Variants in ZNF385D observed in about 807,000 individuals in gnomAD.
ZNF385D encodes zinc finger protein 385D.
ZNF385D carries 15 observed loss-of-function variants against 35.8 expected under a neutral mutation model. The ratio of observed to expected loss-of-function variants is 0.42; its 90% CI spans 0.28 to 0.64. The LOEUF (loss-of-function observed/expected upper bound fraction) is 0.64. ZNF385D is among the 30% of genes least tolerant of loss of function. The pLI, the probability that ZNF385D is intolerant of heterozygous loss-of-function variation, is 0.23. For missense variants in ZNF385D, 474 were observed against 494.6 expected, an observed-to-expected ratio of 0.96 and a Z score of 0.39; for synonymous variants, 212 against 186.8, an observed-to-expected ratio of 1.13 and a Z score of -1.10.
At chr3:22,008,445 CG>C (rs1696360098) in intron 3 of ZNF385D, among the ~76,000 whole-genome samples, 1 of 149,478 alleles carries the variant, frequency 6.7e-6, no homozygotes, top group African/African-American at 2.5e-5. Context: ...CTCCGCCCCC[CG>C]GAGTTCACAA....
chr3:21,907,349 T>A (rs529148816), intron 3 of ZNF385D, among the ~76,000 whole-genome samples: 16 of 152,166 alleles, frequency 1.1e-4, no homozygotes, highest in Non-Finnish European at 4.4e-5. Flanking sequence ...CAAATATAAA[T>A]TGTTACTATA....
chr3:21,756,052 A>G (rs1030254957), upstream of ZNF385D, among the ~76,000 whole-genome samples: 2 of 152,220 alleles, frequency 1.3e-5, no homozygotes, highest in African/African-American at 4.8e-5. Context: ...CTTACATGAT[A>G]TAACTTTGGA....
intron 3 of ZNF385D, among the ~76,000 whole-genome samples, chr3:21,913,068 T>C (rs1700036804): frequency 6.6e-6 from 1 of 152,236 alleles, no homozygotes. Flanking sequence ...GCAAGGGTTC[T>C]GGAAAATTAT....
chr3:22,335,301 T>A (rs1250694378), intron 2 of ZNF385D, among the ~76,000 whole-genome samples: 1 of 152,138 alleles, frequency 6.6e-6, no homozygotes, highest in African/African-American at 2.4e-5. Context: ...TTCTGTAATG[T>A]CTGAACATAG....
chr3:21,921,677 T>A (rs1210050090), intron 3 of ZNF385D, among the ~76,000 whole-genome samples: 1 of 105,420 alleles, frequency 9.5e-6, no homozygotes, highest in Admixed American at 8.4e-5. Flanking sequence ...AGAATATATG[T>A]CTTCAAAAGA....
intron 3 of ZNF385D, among the ~76,000 whole-genome samples, chr3:22,081,681 T>C (rs1310281251): frequency 6.6e-6 from 1 of 152,156 alleles, no homozygotes; most frequent in East Asian, 1.9e-4. Context: ...CAAAATTTGA[T>C]GGAACATACA....
intron 3 of ZNF385D, among the ~76,000 whole-genome samples, chr3:21,972,419 G>C (rs764633840): frequency 6.6e-6 from 1 of 151,734 alleles, no homozygotes; most frequent in Non-Finnish European, 1.5e-5. Context: ...AAAAACTTAC[G>C]GGACACAGCA....
intron 1 of ZNF385D, among the ~76,000 whole-genome samples, chr3:21,678,004 T>C (rs2066781628): frequency 6.6e-6 from 1 of 152,038 alleles, no homozygotes. Flanking sequence ...CATATATTAT[T>C]CATCAATTAT....
chr3:21,598,217 G>A (rs6794539), intron 2 of ZNF385D, among the ~76,000 whole-genome samples: 72,213 of 151,840 alleles, frequency 0.48, 17,268 homozygotes, highest in African/African-American at 0.53. Flanking sequence ...TACTTAGCTT[G>A]ATACATACAT....
intron 3 of ZNF385D, among the ~76,000 whole-genome samples, chr3:21,835,635 T>C (rs1034039082): frequency 5.9e-5 from 9 of 152,102 alleles, no homozygotes; most frequent in African/African-American, 2.2e-4. Flanking sequence ...AAGAGGCATG[T>C]AGCCTAAAAG....
chr3:21,836,520 C>G (rs1695340212), intron 3 of ZNF385D, among the ~76,000 whole-genome samples: 1 of 152,024 alleles, frequency 6.6e-6, no homozygotes, highest in Admixed American at 6.6e-5. Flanking sequence ...AAAGAAAATT[C>G]TCAAATCTCC....
At chr3:22,021,583 C>T (rs1315113931) in intron 3 of ZNF385D, among the ~76,000 whole-genome samples, 1 of 152,034 alleles carries the variant, frequency 6.6e-6, no homozygotes, top group East Asian at 1.9e-4. Flanking sequence ...TTTGTGAGGA[C>T]TGAGTGAGAT....
intron 3 of ZNF385D, among the ~76,000 whole-genome samples, chr3:22,013,166 G>A (rs1044339964): frequency 5.9e-5 from 9 of 152,044 alleles, no homozygotes; most frequent in African/African-American, 2.2e-4. Context: ...ATAAAAATGT[G>A]TTAAAACTGA....
intron 3 of ZNF385D, among the ~76,000 whole-genome samples, chr3:21,950,105 G>T (rs963665762): frequency 1.3e-5 from 2 of 148,932 alleles, no homozygotes. Context: ...TGGTATTTCT[G>T]GTTCTAGATC....
At chr3:21,542,222 T>C (rs1397613348) in intron 3 of ZNF385D, among the ~76,000 whole-genome samples, 1 of 152,214 alleles carries the variant, frequency 6.6e-6, no homozygotes, top group East Asian at 1.9e-4. Flanking sequence ...ACTTAGGATA[T>C]GAATCCTGCA....
chr3:22,087,508 G>C (rs1381328812), intron 3 of ZNF385D, among the ~76,000 whole-genome samples: 2 of 152,100 alleles, frequency 1.3e-5, no homozygotes, highest in Non-Finnish European at 2.9e-5. Context: ...CCTAGGTCCT[G>C]TTTGCTGAAA....
At chr3:21,953,829 G>A (rs1201786274) in intron 3 of ZNF385D, among the ~76,000 whole-genome samples, 1 of 151,984 alleles carries the variant, frequency 6.6e-6, no homozygotes, top group Non-Finnish European at 1.5e-5. Flanking sequence ...ATTAGAGTAA[G>A]TGATTTCTAA....
intron 2 of ZNF385D, among the ~76,000 whole-genome samples, chr3:22,335,043 G>C (rs1433103438): frequency 6.6e-6 from 1 of 152,106 alleles, no homozygotes; most frequent in South Asian, 2.1e-4. Flanking sequence ...CCAGGCACTG[G>C]AAAGATCAGA....
chr3:22,013,278 A>T (rs1474357636), intron 3 of ZNF385D, among the ~76,000 whole-genome samples: 1 of 152,166 alleles, frequency 6.6e-6, no homozygotes, highest in Non-Finnish European at 1.5e-5. Context: ...ATAATAGTCC[A>T]GGTTATTATA....
Sources: allele counts gnomAD v4.1 joint callset (sites outside exome capture counted in the v4.1 genomes callset), GRCh38; gene constraint gnomAD v4.1.1; transcripts MANE v1.5; gene names NCBI Gene and HGNC (gene_info 2026-07-23, HGNC 2026-07-21).